Variants in NAALADL2 observed in about 807,000 individuals in gnomAD.
NAALADL2 encodes the protein N-acetylated alpha-linked acidic dipeptidase like 2.
NAALADL2 carries 76 observed loss-of-function variants against 87.2 expected under a neutral mutation model. The observed-to-expected ratio is 0.87, with a 90% CI of 0.72 to 1.05. The LOEUF (loss-of-function observed/expected upper bound fraction) is 1.05. NAALADL2 is among the 50% of genes least tolerant of loss of function. The pLI is 0.00. For synonymous variants in NAALADL2, 354 were observed against 331.0 expected, an observed-to-expected ratio of 1.07 and a Z score of -0.75; for missense variants, 1,089 against 945.8, an observed-to-expected ratio of 1.15 and a Z score of -1.99.
intron 5 of NAALADL2, among the ~76,000 whole-genome samples, chr3:175,346,286 AC>A (rs1187398567): frequency 6.6e-6 from 1 of 152,142 alleles, no homozygotes; most frequent in Non-Finnish European, 1.5e-5. Context: ...TTTTATACAC[AC>A]ATGCATACAC....
At chr3:174,608,351 C>G (rs528779031) in intron 2 of NAALADL2, among the ~76,000 whole-genome samples, 1 of 151,890 alleles carries the variant, frequency 6.6e-6, no homozygotes, top group African/African-American at 2.4e-5. Flanking sequence ...ACACAAAAAA[C>G]CCTTCAAAAA....
intron 1 of NAALADL2, among the ~76,000 whole-genome samples, chr3:174,977,236 A>G (rs868593760): frequency 6.6e-6 from 1 of 152,148 alleles, no homozygotes; most frequent in Non-Finnish European, 1.5e-5. Flanking sequence ...GGCTGGAGGC[A>G]GGCATTAGAA....
In NAALADL2 at chr3:175,056,493, C is replaced by T. The variant is rs1335098897; in HGVS notation, c.44-40297C>T. ...CCTTCAACCTGGATTCGAGCCCCCA[C>T]GTATGGGTGCCACTTGCCAAGACAA... On this transcript the variant is annotated intron_variant, in intron 1 of 13. Transcript: ENST00000454872. Among the ~76,000 whole-genome samples the T allele has an allele frequency of 3.3e-5, 5 of 152,134 alleles. No homozygotes were observed. In the East Asian group the frequency reaches 5.8e-4, roughly 18 times the overall value.
chr3:174,916,804 TCAC>T (rs1734476934), intron 1 of NAALADL2, among the ~76,000 whole-genome samples: 1 of 151,984 alleles, frequency 6.6e-6, no homozygotes, highest in Non-Finnish European at 1.5e-5. Flanking sequence ...ATCTCTGAAA[TCAC>T]CACTAAAAAA....
At chr3:175,012,368 G>C (rs756559880) in intron 1 of NAALADL2, among the ~76,000 whole-genome samples, 1 of 151,810 alleles carries the variant, frequency 6.6e-6, no homozygotes, top group African/African-American at 2.4e-5. Context: ...GAGTTTCACC[G>C]TGTTAGCCAG....
intron 5 of NAALADL2, among the ~76,000 whole-genome samples, chr3:175,401,203 C>T (rs770797571): frequency 3.9e-5 from 6 of 152,054 alleles, no homozygotes; most frequent in Non-Finnish European, 8.8e-5. Flanking sequence ...CAGCCATAAA[C>T]AGCCACATCT....
chr3:175,021,041 TAAAC>T (rs1330592688), intron 1 of NAALADL2, among the ~76,000 whole-genome samples: 5 of 152,068 alleles, frequency 3.3e-5, no homozygotes, highest in African/African-American at 7.2e-5. Flanking sequence ...GCTATAGGAA[TAAAC>T]AGAATAGCAG....
intron 2 of NAALADL2, among the ~76,000 whole-genome samples, chr3:174,724,813 C>T (rs941569552): frequency 2.6e-5 from 4 of 152,066 alleles, no homozygotes; most frequent in African/African-American, 9.7e-5. Context: ...TCTGTCATGT[C>T]GAAATGGTAG....
intron 1 of NAALADL2, among the ~76,000 whole-genome samples, chr3:174,525,205 G>A (rs145619967): frequency 6.6e-6 from 1 of 152,168 alleles, no homozygotes; most frequent in Non-Finnish European, 1.5e-5. Context: ...ATGAAAACTC[G>A]AGACAGTCTT....
intron 5 of NAALADL2, among the ~76,000 whole-genome samples, chr3:175,342,800 G>T (rs1762702576): frequency 6.6e-6 from 1 of 151,826 alleles, no homozygotes; most frequent in African/African-American, 2.4e-5. Context: ...TTCACAACTG[G>T]TATTGTCCTC....
rs191571007 is a variant in NAALADL2 at position 175,627,128 on chromosome 3, A to T, written c.1801-163A>T. Among the ~76,000 whole-genome samples, 4 of 152,022 alleles carry T rather than the reference A, an allele frequency of 2.6e-5. No homozygotes were observed. The East Asian group carries it at 7.7e-4, about 29-fold the overall frequency. On this transcript the variant is annotated intron_variant, in intron 10 of 13. Coordinates refer to ENST00000454872, the MANE Select transcript of NAALADL2 (RefSeq NM_207015.3). ...TGTGTCTGATCATTTTAATTTATACATATTCTGGGATGGGTAGTTAGATCA... is the reference window on the plus strand; with the variant it reads ...TGTGTCTGATCATTTTAATTTATACTTATTCTGGGATGGGTAGTTAGATCA...
chr3:175,755,736 T>C (rs574191404), intron 13 of NAALADL2, among the ~76,000 whole-genome samples: 1 of 150,508 alleles, frequency 6.6e-6, no homozygotes, highest in East Asian at 1.9e-4. Context: ...TACACTTTCT[T>C]GACCAGATCA....
intron 3 of NAALADL2, among the ~76,000 whole-genome samples, chr3:174,819,272 C>T (rs1038903540): frequency 2.3e-4 from 35 of 151,294 alleles, no homozygotes; most frequent in Admixed American, 2.3e-3. Context: ...ACCATGTTGC[C>T]CAGGCTGGTT....
At chr3:175,627,095 C>A (rs527972712) in intron 10 of NAALADL2, among the ~76,000 whole-genome samples, 196 bp from the exon 11 acceptor site, 6 of 151,842 alleles carry the variant, frequency 4.0e-5, no homozygotes, top group African/African-American at 1.4e-4. Flanking sequence ...TGGGACATAA[C>A]AAGTTGATGT....
chr3:174,613,748 C>A (rs1410335701), intron 2 of NAALADL2, among the ~76,000 whole-genome samples: 1 of 152,154 alleles, frequency 6.6e-6, no homozygotes, highest in South Asian at 2.1e-4. Flanking sequence ...GAATCAGGGC[C>A]CAAGAGTCCA....
At chr3:174,606,056 A>G (rs1354657442) in intron 2 of NAALADL2, among the ~76,000 whole-genome samples, 32 of 152,210 alleles carry the variant, frequency 2.1e-4, no homozygotes, top group Admixed American at 2.1e-3. Context: ...ACCCAGGCAA[A>G]CAGGGTCTGG....
chr3:174,612,146 G>C (rs1719975560), intron 2 of NAALADL2, among the ~76,000 whole-genome samples: 1 of 152,068 alleles, frequency 6.6e-6, no homozygotes, highest in Non-Finnish European at 1.5e-5. Context: ...GTTTCCACTG[G>C]AAAGTCTGCT....
intron 2 of NAALADL2, among the ~76,000 whole-genome samples, chr3:175,156,273 T>G (rs1305557341): frequency 6.6e-6 from 1 of 151,930 alleles, no homozygotes; most frequent in Non-Finnish European, 1.5e-5. Flanking sequence ...AGAATGCTTT[T>G]GATGCATGTT....
At chr3:174,607,386 G>C (rs1327391026) in intron 2 of NAALADL2, among the ~76,000 whole-genome samples, 1 of 151,460 alleles carries the variant, frequency 6.6e-6, no homozygotes, top group African/African-American at 2.4e-5. Context: ...TGGATAAAGA[G>C]TCAAGACCCA....
Sources: gnomAD v4.1 joint callset for allele counts (sites outside exome capture counted in the v4.1 genomes callset) on GRCh38, gnomAD v4.1.1 for gene constraint, MANE v1.5 for transcripts, NCBI Gene and HGNC (gene_info 2026-07-23, HGNC 2026-07-21) for gene names.